Variants in ATF7IP2 observed in about 807,000 individuals in gnomAD.
The protein encoded by ATF7IP2 is activating transcription factor 7-interacting protein 2.
In ATF7IP2, 42 loss-of-function variants were observed where a neutral mutation model predicts 64.2. That is an observed-to-expected ratio of 0.65 (90% confidence interval 0.51 to 0.85). The LOEUF is 0.85. ATF7IP2 is among the 40% of genes least tolerant of loss of function. The pLI, the probability that ATF7IP2 is intolerant of heterozygous loss-of-function variation, is 0.00. For missense variants in ATF7IP2, 933 were observed against 784.2 expected, an observed-to-expected ratio of 1.19 and a Z score of -2.27; for synonymous variants, 308 against 272.8, an observed-to-expected ratio of 1.13 and a Z score of -1.27.
At chr16:10,457,311 G>T in intron 8 of ATF7IP2, 61 bp from the exon 9 acceptor site, 1 of 1,428,520 alleles carries the variant, frequency 7.0e-7, no homozygotes, top group East Asian at 2.4e-5. Flanking sequence ...TGCTAATTTT[G>T]TTTGGAAGGA....
At chr16:10,425,272 G>A (rs979115471) in intron 3 of ATF7IP2, among the ~76,000 whole-genome samples, 2 of 144,982 alleles carry the variant, frequency 1.4e-5, no homozygotes, top group South Asian at 2.2e-4. Flanking sequence ...GTTTCACCAC[G>A]TTGGCCAGGC....
chr16:10,416,047 C>T (rs2047868331), intron 2 of ATF7IP2, among the ~76,000 whole-genome samples: 1 of 152,120 alleles, frequency 6.6e-6, no homozygotes. Flanking sequence ...TTGGAGGTTC[C>T]TTAAAAAACT....
At chr16:10,430,529 GTAAA>G in intron 4 of ATF7IP2, 78 bp from the exon 5 acceptor site, 6 of 771,300 alleles carry the variant, frequency 7.8e-6, no homozygotes, top group East Asian at 2.7e-5. Context: ...TTTTAATATT[GTAAA>G]TAAATAACTT....
Position 10,430,943 on chromosome 16 carries a change from A to C in ATF7IP2, c.323A>C (p.Lys108Thr), listed in dbSNP as rs750379179. 1 of 1,614,108 alleles carries C rather than the reference A, an allele frequency of 6.2e-7. No individual in the cohort carries two copies. The highest frequency in any genetic ancestry group is 8.5e-7 in the Non-Finnish European group (1 of 1,180,034). ...PVEEIVHSET[K>T]LEQVVCSYQK... ...GAAGAAATTGTTCATTCAGAAACAA[A>C]ATTGGAACAAGTTGTTTGTTCGTAC... Residue 108 changes from lysine (K) to threonine (T), a missense_variant, in exon 5 of 14, where the codon AAA (lysine) becomes ACA (threonine). Physicochemically the swap from Lys to Thr is moderately conservative, Grantham distance 78 (BLOSUM62 -1). Transcript: ENST00000562102.
chr16:10,408,593 G>A (rs1335957125), intron 1 of ATF7IP2, among the ~76,000 whole-genome samples: 1 of 152,178 alleles, frequency 6.6e-6, no homozygotes, highest in Non-Finnish European at 1.5e-5. Context: ...CATTAGTGGT[G>A]ATGAGCATTT....
rs1485280345 is a variant in ATF7IP2 at position 10,457,479 on chromosome 16, A to C, written c.1302A>C (p.Gly434=). The change falls in exon 9 of 14, where the codon GGA becomes GGC. Residue 434 remains glycine, a synonymous_variant. Coordinates refer to ENST00000562102, the MANE Select transcript of ATF7IP2 (RefSeq NM_001393719.1). The stretch of plus-strand genomic sequence containing the variant: ...AGCCTTCTAACCCTTCCGAAAAAGG[A>C]AGTAAAAAAATTAATTTGTCATCAG... The part of the protein sequence containing the change: ...NYEPSNPSEK[G]SKKINLSSDQ... 7 of 1,597,228 alleles carry C rather than the reference A, an allele frequency of 4.4e-6. No homozygotes were observed. Among genetic ancestry groups the C allele is most frequent in the Non-Finnish European group, 4.3e-6 (5 of 1,174,864 alleles).
intron 1 of ATF7IP2, among the ~76,000 whole-genome samples, chr16:10,393,589 T>C (rs752299837): frequency 3.9e-5 from 6 of 152,198 alleles, no homozygotes; most frequent in African/African-American, 7.2e-5. Context: ...TGTAGGCTAA[T>C]ATGAGTGTTC....
chr16:10,390,779 C>G (rs1297999964), intron 1 of ATF7IP2, among the ~76,000 whole-genome samples: 1 of 151,902 alleles, frequency 6.6e-6, no homozygotes, highest in Non-Finnish European at 1.5e-5. Flanking sequence ...CAAAGTGTGA[C>G]TCTAAAAATG....
chr16:10,477,176 T>A (rs141656163), intron 12 of ATF7IP2, among the ~76,000 whole-genome samples: 1,577 of 152,046 alleles, frequency 0.01, 24 homozygotes, highest in African/African-American at 0.036. Flanking sequence ...TGGGAGAAAA[T>A]TTTTGCAATC....
intron 1 of ATF7IP2, among the ~76,000 whole-genome samples, chr16:10,402,727 G>C (rs1301279651): frequency 1.3e-5 from 2 of 152,006 alleles, no homozygotes; most frequent in Admixed American, 6.6e-5. Flanking sequence ...GCCTCCCAAA[G>C]TGTTGGGATT....
chr16:10,454,994 A>G (rs938802668), intron 8 of ATF7IP2, among the ~76,000 whole-genome samples: 9 of 152,162 alleles, frequency 5.9e-5, no homozygotes, highest in African/African-American at 2.2e-4. Flanking sequence ...ATTTTACTTG[A>G]CGAATGTTCC....
chr16:10,415,325 C>T (rs1273817568), intron 2 of ATF7IP2, among the ~76,000 whole-genome samples: 1 of 152,146 alleles, frequency 6.6e-6, no homozygotes, highest in Non-Finnish European at 1.5e-5. Context: ...ATCCATATAC[C>T]TACAGCGGGT....
At chr16:10,412,437 T>A (rs943890798) in intron 1 of ATF7IP2, among the ~76,000 whole-genome samples, 1 of 152,228 alleles carries the variant, frequency 6.6e-6, no homozygotes, top group East Asian at 1.9e-4. Context: ...GTTGACCCAG[T>A]GATCATTCAG....
chr16:10,471,984 C>CATTT lies in ATF7IP2; in HGVS notation c.1353-126_1353-125insATTT, dbSNP rs2049817004. 2.7e-5 allele frequency: 12 copies of CATTT among 439,022 alleles called. No individual in the cohort carries two copies. The South Asian group carries it at 6.7e-4, about 24-fold the overall frequency. 27.2% of individuals were successfully genotyped at this position (439,022 alleles called of 1,614,324 possible). On this transcript the variant is annotated intron_variant, in intron 9 of 13. Transcript: ENST00000562102. ...TATTTGGTTTTATCATTTCTATTTC[C>CATTT]CCCCACGATTGTTCAATTAAAACAT...
At chr16:10,477,177 T>G (rs2050041365) in intron 12 of ATF7IP2, among the ~76,000 whole-genome samples, 1 of 152,106 alleles carries the variant, frequency 6.6e-6, no homozygotes, top group Non-Finnish European at 1.5e-5. Context: ...GGGAGAAAAT[T>G]TTTGCAATCT....
At chr16:10,417,241 T>C (rs1043547849) in intron 2 of ATF7IP2, among the ~76,000 whole-genome samples, 4 of 152,234 alleles carry the variant, frequency 2.6e-5, no homozygotes, top group Admixed American at 1.3e-4. Context: ...AATATTAACA[T>C]GGAACCTGAA....
intron 12 of ATF7IP2, among the ~76,000 whole-genome samples, chr16:10,479,150 G>C (rs1258292419): frequency 1.3e-5 from 2 of 150,014 alleles, no homozygotes; most frequent in Non-Finnish European, 3.0e-5. Context: ...CCCATTACTG[G>C]GTATATACCC....
intron 6 of ATF7IP2, among the ~76,000 whole-genome samples, chr16:10,433,863 A>T (rs1294418274): frequency 1.3e-5 from 2 of 152,184 alleles, no homozygotes; most frequent in East Asian, 3.9e-4. Context: ...CATGCAGAAT[A>T]ACCTAGGGAT....
At chr16:10,465,349 TG>T (rs2049527496) in intron 9 of ATF7IP2, among the ~76,000 whole-genome samples, 1 of 152,082 alleles carries the variant, frequency 6.6e-6, no homozygotes, top group Non-Finnish European at 1.5e-5. Context: ...GACATAGAAA[TG>T]TTTCTCCAAG....
Sources: allele counts gnomAD v4.1 joint callset (sites outside exome capture counted in the v4.1 genomes callset), GRCh38; gene constraint gnomAD v4.1.1; transcripts MANE v1.5; gene names NCBI Gene and HGNC (gene_info 2026-07-23, HGNC 2026-07-21).